Variants in XPR1 observed in about 807,000 individuals in gnomAD.
The protein encoded by XPR1 is solute carrier family 53 member 1.
Under a neutral mutation model 87.5 loss-of-function variants are expected in XPR1, and 28 were observed. The ratio of observed to expected loss-of-function variants is 0.32; its 90% CI spans 0.24 to 0.44. The LOEUF is 0.44. XPR1 is among the 20% of genes least tolerant of loss of function. The pLI, the probability that XPR1 is intolerant of heterozygous loss-of-function variation, is 1.00. For synonymous variants in XPR1, 300 were observed against 306.1 expected, an observed-to-expected ratio of 0.98 and a Z score of 0.21; for missense variants, 559 against 862.3, an observed-to-expected ratio of 0.65 and a Z score of 4.41.
intron 11 of XPR1, among the ~76,000 whole-genome samples, chr1:180,840,635 C>A (rs1466897977): frequency 6.9e-6 from 1 of 143,936 alleles, no homozygotes; most frequent in African/African-American, 2.6e-5. Flanking sequence ...TTTTAAAAAC[C>A]AGAAACAAAA....
At chr1:180,830,190 G>A (rs1436355359) in intron 9 of XPR1, among the ~76,000 whole-genome samples, 3 of 152,078 alleles carry the variant, frequency 2.0e-5, no homozygotes, top group Non-Finnish European at 2.9e-5. Context: ...GAGCTTCTTC[G>A]TGCATAGATG....
intron 11 of XPR1, among the ~76,000 whole-genome samples, 165 bp downstream of exon 11, chr1:180,836,881 C>G (rs568495531): frequency 3.3e-5 from 5 of 152,270 alleles, no homozygotes; most frequent in African/African-American, 1.2e-4. Context: ...GTTTTAGTCT[C>G]ATTCCAGTAT....
intron 2 of XPR1, among the ~76,000 whole-genome samples, chr1:180,717,471 A>C (rs1237887024): frequency 6.6e-6 from 1 of 152,196 alleles, no homozygotes; most frequent in Admixed American, 6.5e-5. Context: ...ATAACCAAAG[A>C]GTATTGACAG....
chr1:180,714,431 G>A (rs1259520131), intron 2 of XPR1, among the ~76,000 whole-genome samples: 3 of 125,702 alleles, frequency 2.4e-5, no homozygotes, highest in Non-Finnish European at 3.2e-5. Context: ...TGTCTGTCTC[G>A]TCTCATCTTG....
intron 1 of XPR1, among the ~76,000 whole-genome samples, chr1:180,678,283 CCTT>C (rs1656431083): frequency 6.6e-6 from 1 of 152,152 alleles, no homozygotes; most frequent in Non-Finnish European, 1.5e-5. Flanking sequence ...AATCCTTCTC[CCTT>C]CTTCAGAGGT....
At chr1:180,696,165 G>GGC (rs1199216725) in intron 2 of XPR1, among the ~76,000 whole-genome samples, 19 of 102,976 alleles carry the variant, frequency 1.8e-4, no homozygotes, top group Non-Finnish European at 3.1e-4. Context: ...TTTATTCCTG[G>GGC]GTGTGTGTGT....
intron 1 of XPR1, among the ~76,000 whole-genome samples, chr1:180,655,069 C>G (rs1655409775): frequency 6.6e-6 from 1 of 152,128 alleles, no homozygotes; most frequent in African/African-American, 2.4e-5. Flanking sequence ...ATTTCTCCAC[C>G]TTTTTGCCAA....
intron 2 of XPR1, among the ~76,000 whole-genome samples, chr1:180,713,347 A>T (rs1334069495): frequency 1.3e-5 from 2 of 152,180 alleles, no homozygotes; most frequent in Non-Finnish European, 2.9e-5. Context: ...ATCTTGTGCA[A>T]ATTTGCTAAA....
At chr1:180,772,729 G>C (rs191414149) in intron 2 of XPR1, among the ~76,000 whole-genome samples, 1 of 152,266 alleles carries the variant, frequency 6.6e-6, no homozygotes, top group Admixed American at 6.5e-5. Flanking sequence ...TTTGCCTGCT[G>C]GCATCCGCGT....
intron 7 of XPR1, among the ~76,000 whole-genome samples, chr1:180,820,817 AATTAT>A (rs1334872835): frequency 6.6e-6 from 1 of 152,140 alleles, no homozygotes. Context: ...CCTAATGACT[AATTAT>A]ATTAAGCATC....
chr1:180,658,583 A>G (rs1655620749), intron 1 of XPR1, among the ~76,000 whole-genome samples: 1 of 151,982 alleles, frequency 6.6e-6, no homozygotes, highest in African/African-American at 2.4e-5. Context: ...TTTTGTTTTG[A>G]GACGGAGTCT....
intron 7 of XPR1, among the ~76,000 whole-genome samples, chr1:180,816,007 T>G (rs531930132): frequency 2.0e-5 from 3 of 152,310 alleles, no homozygotes; most frequent in Non-Finnish European, 4.4e-5. Flanking sequence ...TAGAAACCAC[T>G]CAAATATTCA....
chr1:180,720,611 T>C (rs928677820), intron 2 of XPR1, among the ~76,000 whole-genome samples: 2 of 152,222 alleles, frequency 1.3e-5, no homozygotes, highest in African/African-American at 4.8e-5. Flanking sequence ...AGTGTGGTTC[T>C]TAGACCAACA....
At chr1:180,794,585 G>T (rs137949288) in intron 3 of XPR1, among the ~76,000 whole-genome samples, 1 of 152,196 alleles carries the variant, frequency 6.6e-6, no homozygotes, top group African/African-American at 2.4e-5. Flanking sequence ...ACATGAAGAA[G>T]CCTTGAATTT....
chr1:180,834,892 C>T lies in XPR1; in HGVS notation c.1153C>T (p.Pro385Ser). ...LKLLFRVFTA[P>S]FHKVGFADFW... is the part of the protein sequence containing the mutation. ...CTTTCAGTTTCGAGTATTTACAGCCCCCTTCCATAAGGTAGGCTTTGCTGA... is the reference window on the plus strand; with the variant it reads ...CTTTCAGTTTCGAGTATTTACAGCCTCCTTCCATAAGGTAGGCTTTGCTGA... The change falls in exon 10 of 15, where the codon CCC (proline) becomes TCC (serine). Residue 385 changes from proline (P) to serine (S), a missense_variant. Pro to Ser is a moderately conservative substitution (Grantham distance 74, BLOSUM62 -1). Transcript: ENST00000367590. 1.2e-6 allele frequency: 2 copies of T among 1,611,664 alleles called. No homozygotes were observed. The highest frequency in any genetic ancestry group is 1.7e-6 in the Non-Finnish European group (2 of 1,179,102).
At chr1:180,864,998 A>G (rs140349466) in intron 12 of XPR1, among the ~76,000 whole-genome samples, 19 of 151,478 alleles carry the variant, frequency 1.3e-4, no homozygotes, top group African/African-American at 4.6e-4. Flanking sequence ...AACATTTTCT[A>G]CTCTATCAGC....
intron 3 of XPR1, among the ~76,000 whole-genome samples, chr1:180,793,418 T>G (rs138574886): frequency 6.6e-6 from 1 of 152,254 alleles, no homozygotes; most frequent in East Asian, 1.9e-4. Context: ...AAATGTTCAT[T>G]TTACAAATGA....
intron 2 of XPR1, among the ~76,000 whole-genome samples, chr1:180,706,322 T>C (rs780642008): frequency 1.5e-4 from 23 of 152,212 alleles, no homozygotes; most frequent in Non-Finnish European, 1.3e-4. Flanking sequence ...GCTTCAGGTA[T>C]GGTCCCATTG....
chr1:180,665,799 C>T (rs1655937442), intron 1 of XPR1, among the ~76,000 whole-genome samples: 1 of 152,272 alleles, frequency 6.6e-6, no homozygotes, highest in South Asian at 2.1e-4. Context: ...TGCCTCTTTT[C>T]AGTGATACAG....
Sources: allele counts gnomAD v4.1 joint callset (sites outside exome capture counted in the v4.1 genomes callset), GRCh38; gene constraint gnomAD v4.1.1; transcripts MANE v1.5; gene names NCBI Gene and HGNC (gene_info 2026-07-23, HGNC 2026-07-21).